CDH8: variants seen among roughly 807,000 people sequenced by gnomAD.
The protein encoded by CDH8 is cadherin-8.
Under a neutral mutation model 68.1 loss-of-function variants are expected in CDH8, and 17 were observed. That is an observed-to-expected ratio of 0.25 (90% CI 0.17 to 0.37). The LOEUF (loss-of-function observed/expected upper bound fraction) is 0.37. Ranked by LOEUF, CDH8 falls within the 10% of genes least tolerant of loss-of-function variation. The probability of loss-of-function intolerance (pLI) is 1.00; values close to 1 mark genes in which losing one functional copy is unlikely to be tolerated. For synonymous variants in CDH8, 372 were observed against 365.1 expected (o/e 1.02, Z -0.21); for missense variants, 763 against 999.3 (o/e 0.76, Z 3.19).
intron 3 of CDH8, among the ~76,000 whole-genome samples, chr16:61,885,218 C>G (rs575900046): frequency 3.9e-5 from 6 of 152,250 alleles, no homozygotes; most frequent in Admixed American, 1.3e-4. Flanking sequence ...GAAGGGGACA[C>G]AGAATGAGTT....
intron 4 of CDH8, among the ~76,000 whole-genome samples, chr16:61,827,571 GT>G (rs1567489098): frequency 6.6e-6 from 1 of 151,832 alleles, no homozygotes; most frequent in African/African-American, 2.4e-5. Flanking sequence ...AATTAAAATA[GT>G]TTTTTTACTC....
intron 8 of CDH8, among the ~76,000 whole-genome samples, chr16:61,752,436 TA>T (rs1960192877): frequency 6.6e-6 from 1 of 152,194 alleles, no homozygotes; most frequent in Non-Finnish European, 1.5e-5. Context: ...TGAATTGAGA[TA>T]ATATAAGACA....
intron 10 of CDH8, among the ~76,000 whole-genome samples, chr16:61,697,411 T>C (rs1447722511): frequency 6.6e-6 from 1 of 152,020 alleles, no homozygotes; most frequent in African/African-American, 2.4e-5. Flanking sequence ...TACCCAGGAA[T>C]TGATTTGGAA....
Position 61,682,543 on chromosome 16 carries a change from A to G in CDH8, c.1655-26822T>C, listed in dbSNP as rs545266757. 4.7e-4 allele frequency among the ~76,000 whole-genome samples: 72 copies of G among 152,064 alleles called. 1 individual carries two copies. In the South Asian group the frequency reaches 0.014, roughly 30 times the overall value. On this transcript the variant is annotated intron_variant, in intron 10 of 11. Coordinates refer to ENST00000577390, the MANE Select transcript of CDH8 (RefSeq NM_001796.5). ...GAATATTGTTCAGGATTTAAAAATT[A>G]TTAGTATTCCCTCTTATAGTATCTC...
intron 2 of CDH8, among the ~76,000 whole-genome samples, chr16:61,913,213 G>A (rs552674584): frequency 6.6e-6 from 1 of 152,210 alleles, no homozygotes; most frequent in Non-Finnish European, 1.5e-5. Flanking sequence ...CAGCCGGAAG[G>A]TATTTTATAA....
At chr16:61,701,315 TTAA>T (rs1964424698) in intron 10 of CDH8, among the ~76,000 whole-genome samples, 1 of 152,208 alleles carries the variant, frequency 6.6e-6, no homozygotes, top group African/African-American at 2.4e-5. Context: ...GTACCTAACT[TTAA>T]ATCATTTAAG....
At chr16:61,706,480 G>A (rs1964534680) in intron 10 of CDH8, among the ~76,000 whole-genome samples, 1 of 151,994 alleles carries the variant, frequency 6.6e-6, no homozygotes, top group Admixed American at 6.5e-5. Context: ...AATTAGCCGG[G>A]CGTGGTGGCG....
chr16:61,940,078 T>A (rs542437895), intron 2 of CDH8, among the ~76,000 whole-genome samples: 18 of 152,322 alleles, frequency 1.2e-4, no homozygotes, highest in African/African-American at 3.8e-4. Context: ...TCAAAAATAA[T>A]CAATATCAAA....
At chr16:61,890,761 A>C (rs1963761219) in intron 3 of CDH8, among the ~76,000 whole-genome samples, 1 of 152,104 alleles carries the variant, frequency 6.6e-6, no homozygotes, top group East Asian at 1.9e-4. Context: ...CTTGTGATTT[A>C]TGTCATTCTG....
intron 2 of CDH8, among the ~76,000 whole-genome samples, chr16:61,917,609 C>T (rs563134016): frequency 6.6e-6 from 1 of 152,282 alleles, no homozygotes; most frequent in East Asian, 1.9e-4. Flanking sequence ...TTGTCCCTTG[C>T]TGCCTATCTG....
chr16:61,852,897 T>TCCCTTCTTCCTTC (rs149266274), intron 4 of CDH8, among the ~76,000 whole-genome samples: 4 of 121,208 alleles, frequency 3.3e-5, no homozygotes, highest in Admixed American at 8.6e-5. Context: ...TTCCTTCCAT[T>TCCCTTCTTCCTTC]CTTCCTTCCT....
intron 7 of CDH8, among the ~76,000 whole-genome samples, chr16:61,797,419 A>G (rs1567474782): frequency 6.6e-6 from 1 of 152,232 alleles, no homozygotes; most frequent in East Asian, 1.9e-4. Flanking sequence ...ATAAATGAAT[A>G]ATAGGTGAAA....
At chr16:61,792,904 A>G (rs1961412099) in intron 7 of CDH8, among the ~76,000 whole-genome samples, 1 of 151,998 alleles carries the variant, frequency 6.6e-6, no homozygotes, top group Non-Finnish European at 1.5e-5. Flanking sequence ...GAATGCCTAC[A>G]CATGTACTCA....
At chr16:61,655,083 A>T (rs761694686) in intron 11 of CDH8, among the ~76,000 whole-genome samples, 6 of 152,158 alleles carry the variant, frequency 3.9e-5, no homozygotes, top group Non-Finnish European at 5.9e-5. Flanking sequence ...AGCAACCCAA[A>T]CTACAATGAA....
At chr16:61,672,025 T>G (rs1963806755) in intron 10 of CDH8, among the ~76,000 whole-genome samples, 1 of 152,148 alleles carries the variant, frequency 6.6e-6, no homozygotes, top group African/African-American at 2.4e-5. Flanking sequence ...TTTGAAGTCA[T>G]GCATTATTTC....
chr16:61,971,283 C>T (rs1567551257), intron 2 of CDH8, among the ~76,000 whole-genome samples: 1 of 152,130 alleles, frequency 6.6e-6, no homozygotes, highest in East Asian at 1.9e-4. Context: ...TGAACGCCCC[C>T]ACTTCAGATG....
intron 3 of CDH8, among the ~76,000 whole-genome samples, chr16:61,886,676 A>G (rs552017372): frequency 6.6e-6 from 1 of 152,078 alleles, no homozygotes; most frequent in Non-Finnish European, 1.5e-5. Context: ...CTCCATTTCC[A>G]CCCACCTCTG....
chr16:61,772,346 G>T (rs1960798317), intron 8 of CDH8, among the ~76,000 whole-genome samples: 1 of 151,906 alleles, frequency 6.6e-6, no homozygotes, highest in Non-Finnish European at 1.5e-5. Flanking sequence ...ATAGCAATTG[G>T]GTTTTCCCTA....
intron 8 of CDH8, among the ~76,000 whole-genome samples, chr16:61,783,924 C>G (rs1251717550): frequency 1.3e-5 from 2 of 152,164 alleles, no homozygotes; most frequent in Non-Finnish European, 2.9e-5. Context: ...CCTATAAGAG[C>G]TCCTGAAGGA....
Sources: allele counts gnomAD v4.1 joint callset (sites outside exome capture counted in the v4.1 genomes callset), GRCh38; gene constraint gnomAD v4.1.1; transcripts MANE v1.5; gene names NCBI Gene and HGNC (gene_info 2026-07-23, HGNC 2026-07-21).